WDPCP: variants seen among roughly 807,000 people sequenced by gnomAD.
The protein encoded by WDPCP is WD repeat-containing and planar cell polarity effector protein fritz homolog.
Under a neutral mutation model 93.1 loss-of-function variants are expected in WDPCP, and 71 were observed. The observed-to-expected ratio is 0.76, with a 90% CI of 0.63 to 0.93. The LOEUF (loss-of-function observed/expected upper bound fraction) is 0.93, where lower values mean the gene tolerates loss of function less well. Among genes scored for constraint, WDPCP ranks in the 40% least tolerant of loss-of-function variants. The pLI is 0.00. For missense variants in WDPCP, 844 were observed against 887.4 expected (o/e 0.95, Z 0.62); for synonymous variants, 315 against 315.0 (o/e 1.00, Z 0.00).
At chr2:63,478,950 T>A (rs1317003827) in intron 6 of WDPCP, among the ~76,000 whole-genome samples, 2 of 151,830 alleles carry the variant, frequency 1.3e-5, no homozygotes, top group East Asian at 3.9e-4. Context: ...ATTAGCAAGA[T>A]TAACCAAGAA....
intron 12 of WDPCP, among the ~76,000 whole-genome samples, chr2:63,352,473 C>G (rs886779059): frequency 6.6e-6 from 1 of 152,070 alleles, no homozygotes; most frequent in Non-Finnish European, 1.5e-5. Context: ...AATGTGAAAC[C>G]ATTTTCAATG....
chr2:63,381,415 G>C (rs11682642), intron 11 of WDPCP, among the ~76,000 whole-genome samples: 85,392 of 151,740 alleles, frequency 0.56, 24,377 homozygotes, highest in Admixed American at 0.64. Context: ...TCAGAATAAG[G>C]AAAACAAGAA....
intron 1 of WDPCP, among the ~76,000 whole-genome samples, chr2:63,554,994 C>A (rs1216043284): frequency 6.6e-6 from 1 of 152,220 alleles, no homozygotes; most frequent in Non-Finnish European, 1.5e-5. Context: ...ATTAGGAGAT[C>A]CCCTCATGAG....
At chr2:63,152,992 G>A in intron 16 of WDPCP, 47 bp from the exon 17 acceptor site, 2 of 1,565,764 alleles carry the variant, frequency 1.3e-6, no homozygotes, top group East Asian at 2.3e-5. Context: ...GTCTAATAAT[G>A]GACCTTAAGA....
At chr2:63,389,263 G>T (rs574179651) in intron 10 of WDPCP, among the ~76,000 whole-genome samples, 1 of 152,260 alleles carries the variant, frequency 6.6e-6, no homozygotes, top group Admixed American at 6.5e-5. Context: ...TTAAAGAAAA[G>T]AATTTTCAAC....
chr2:63,576,831 CA>C, intron 1 of WDPCP, among the ~76,000 whole-genome samples: 1 of 152,230 alleles, frequency 6.6e-6, no homozygotes, highest in East Asian at 1.9e-4. Context: ...TGCCAGGAAC[CA>C]GGGGCAGAGA....
intron 3 of WDPCP, among the ~76,000 whole-genome samples, chr2:63,639,429 C>T (rs112025080): frequency 3.3e-5 from 5 of 151,966 alleles, no homozygotes; most frequent in African/African-American, 7.3e-5. Flanking sequence ...TACAGGTGTG[C>T]GCAACCTAAC....
intron 14 of WDPCP, among the ~76,000 whole-genome samples, chr2:63,218,282 A>G (rs1398815038): frequency 6.6e-6 from 1 of 152,120 alleles, no homozygotes; most frequent in East Asian, 1.9e-4. Flanking sequence ...TTTACAAATG[A>G]ATATATATTA....
chr2:63,752,595 G>GCT, intron 2 of WDPCP: 1 of 585,868 alleles, frequency 1.7e-6, no homozygotes, highest in Non-Finnish European at 3.1e-6. Context: ...GTGAAGAGCT[G>GCT]CTCAGGCTCT....
At chr2:63,304,773 G>A (rs1267610719) in intron 13 of WDPCP, among the ~76,000 whole-genome samples, 1 of 152,134 alleles carries the variant, frequency 6.6e-6, no homozygotes, top group Non-Finnish European at 1.5e-5. Flanking sequence ...TGGAAAGGGG[G>A]CTGAAGGCAG....
intron 1 of WDPCP, among the ~76,000 whole-genome samples, chr2:63,503,083 A>C (rs1701654211): frequency 6.6e-6 from 1 of 152,238 alleles, no homozygotes; most frequent in Admixed American, 6.5e-5. Flanking sequence ...CTTTTGTTTT[A>C]GTTAAATTTG....
rs1322879596 is a variant in WDPCP at position 63,120,515 on chromosome 2, A to C, written c.*1491T>G. ...TAAACAATGTTGATTATTATTATAG[A>C]TGTCTATAATTTTTTTTTTTTTTTT... On this transcript the variant is annotated 3_prime_UTR_variant, in exon 18 of 18. Coordinates refer to ENST00000272321, the MANE Select transcript of WDPCP (RefSeq NM_015910.7). Among the ~76,000 whole-genome samples, 1 of 146,988 alleles carries C rather than the reference A, an allele frequency of 6.8e-6. No homozygotes were observed. The highest frequency in any genetic ancestry group is 1.5e-5 in the Non-Finnish European group (1 of 67,014).
chr2:63,402,271 A>G (rs1043429601), intron 10 of WDPCP, among the ~76,000 whole-genome samples: 61 of 152,154 alleles, frequency 4.0e-4, no homozygotes, highest in Admixed American at 4.0e-3. Context: ...AACAATGAGA[A>G]TACATGGACA....
At chr2:63,450,679 A>G (rs1471116421) in intron 6 of WDPCP, among the ~76,000 whole-genome samples, 2 of 152,112 alleles carry the variant, frequency 1.3e-5, no homozygotes, top group Non-Finnish European at 1.5e-5. Flanking sequence ...AAACTTCACC[A>G]TAGCCCCCAC....
chr2:63,658,538 TG>T (rs1463127623), intron 2 of WDPCP, among the ~76,000 whole-genome samples: 2 of 152,072 alleles, frequency 1.3e-5, no homozygotes, highest in African/African-American at 4.8e-5. Flanking sequence ...AAGCACTGAG[TG>T]TGGTATTTCA....
intron 13 of WDPCP, among the ~76,000 whole-genome samples, chr2:63,299,945 T>C (rs1038688319): frequency 2.0e-5 from 3 of 152,134 alleles, no homozygotes; most frequent in African/African-American, 7.2e-5. Flanking sequence ...GGCGGCTCCA[T>C]CTTCCCTTCT....
At chr2:63,218,804 G>C (rs12618770) in intron 14 of WDPCP, among the ~76,000 whole-genome samples, 18,268 of 152,162 alleles carry the variant, frequency 0.12, 1,191 homozygotes, top group Middle Eastern at 0.2. Flanking sequence ...AAAGTGCTGG[G>C]ATTACAGGTG....
chr2:63,717,126 G>T (rs1445332734), intron 2 of WDPCP: 7 of 355,332 alleles, frequency 2.0e-5, no homozygotes, highest in African/African-American at 6.5e-5. Flanking sequence ...CACCTGCCAT[G>T]GCATTACTCA....
At chr2:63,126,312 T>TA (rs1364344223) in intron 17 of WDPCP, among the ~76,000 whole-genome samples, 3 of 152,188 alleles carry the variant, frequency 2.0e-5, no homozygotes, top group Admixed American at 6.5e-5. Context: ...TTGCATGTGT[T>TA]AAAAAATTAA....
Sources: gnomAD v4.1 joint callset for allele counts (sites outside exome capture counted in the v4.1 genomes callset) on GRCh38, gnomAD v4.1.1 for gene constraint, MANE v1.5 for transcripts, NCBI Gene and HGNC (gene_info 2026-07-23, HGNC 2026-07-21) for gene names.